Variants in FAM186A observed in about 807,000 individuals in gnomAD.
FAM186A encodes the protein family with sequence similarity 186 member A.
In FAM186A, 163 loss-of-function variants were observed where a neutral mutation model predicts 216.8. The observed-to-expected ratio is 0.75, with a 90% CI of 0.66 to 0.86. The LOEUF (loss-of-function observed/expected upper bound fraction) is 0.86, where lower values mean the gene tolerates loss of function less well. Ranked by LOEUF, FAM186A falls within the 40% of genes least tolerant of loss-of-function variation. The pLI is 0.00. For missense variants in FAM186A, 2,184 were observed against 2,746.2 expected, an observed-to-expected ratio of 0.80 and a Z score of 4.58; for synonymous variants, 805 against 1,025.3, an observed-to-expected ratio of 0.79 and a Z score of 4.10.
chr12:50,359,301 G>A (rs1943009330), intron 3 of FAM186A, among the ~76,000 whole-genome samples: 1 of 152,004 alleles, frequency 6.6e-6, no homozygotes, highest in Non-Finnish European at 1.5e-5. Context: ...GGGAGGCTGA[G>A]GCAGGAGAAT....
Position 50,363,331 on chromosome 12 carries a change from TG to T in FAM186A, c.225del (p.Asn75LysfsTer6), listed in dbSNP as rs1943055584. ...TAGCGAGTCATTATCCGATGCACATTGTTCATTATTTCACTCAGCTGCATAT... is the reference window on the plus strand; with the variant it reads ...TAGCGAGTCATTATCCGATGCACATTTTCATTATTTCACTCAGCTGCATAT... ...DIDMQLSEIM[N>X]NVHRIMTRYT... On this transcript the variant is annotated frameshift_variant, in exon 2 of 8. Coordinates refer to ENST00000327337, the MANE Select transcript of FAM186A (RefSeq NM_001145475.3). LOFTEE classifies it high-confidence loss of function. 6.4e-7 allele frequency: 1 copy of T among 1,551,104 alleles called. No homozygotes were observed. The highest frequency in any genetic ancestry group is 8.7e-7 in the Non-Finnish European group (1 of 1,146,882).
At chr12:50,357,277 G>A (rs1040013909) in intron 3 of FAM186A, among the ~76,000 whole-genome samples, 1 of 151,994 alleles carries the variant, frequency 6.6e-6, no homozygotes, top group Non-Finnish European at 1.5e-5. Flanking sequence ...GGGAAGCTGA[G>A]GCAGGTGGAT....
At chr12:50,383,339 G>A (rs1943272516) in intron 1 of FAM186A, among the ~76,000 whole-genome samples, 1 of 137,948 alleles carries the variant, frequency 7.2e-6, no homozygotes, top group African/African-American at 2.6e-5. Context: ...CCTATAACCT[G>A]TAATCCCAGC....
In FAM186A at chr12:50,352,569, G is replaced by C. The variant is rs199626368; in HGVS notation, c.4263C>G (p.Ile1421Met). 3.3e-6 allele frequency: 5 copies of C among 1,520,790 alleles called. No individual in the cohort carries two copies. In the African/African-American group the frequency reaches 7.3e-5, roughly 22 times the overall value. The allele number at this position is 1,520,790 out of a possible 1,614,324, so 94.2% of individuals were successfully genotyped here. ...CCTGTGCCTGCTGAGGGGTGAAAGG[G>C]ATCCCCAATTCCTGAGCCTGCTGAG... ...LTPQQAQELGIPFTPQQAQAQ... is the reference protein window; with the variant it reads ...LTPQQAQELGMPFTPQQAQAQ... The change falls in exon 4 of 8, where the codon ATC becomes ATG. Residue 1421 changes from isoleucine (I) to methionine (M), a missense_variant. Physicochemically the swap from Ile to Met is conservative, Grantham distance 10. Around this residue, in one of 7 missense-constraint regions of FAM186A, gnomAD observed 267 missense variants for 446.2 expected, o/e 0.60. Coordinates refer to ENST00000327337, the MANE Select transcript of FAM186A (RefSeq NM_001145475.3).
At chr12:50,337,705 G>A (rs1275730325) in intron 4 of FAM186A, among the ~76,000 whole-genome samples, 6 of 151,968 alleles carry the variant, frequency 3.9e-5, no homozygotes, top group African/African-American at 1.4e-4. Flanking sequence ...AGACCATCCT[G>A]GCCAACACGG....
At chr12:50,347,035 G>A (rs1227591931) in intron 4 of FAM186A, among the ~76,000 whole-genome samples, 1 of 151,062 alleles carries the variant, frequency 6.6e-6, no homozygotes, top group Non-Finnish European at 1.5e-5. Flanking sequence ...CCATATTCTT[G>A]GATAGGAAGA....
intron 1 of FAM186A, among the ~76,000 whole-genome samples, chr12:50,393,161 C>T (rs973142599): frequency 2.6e-5 from 4 of 151,614 alleles, no homozygotes; most frequent in East Asian, 2.0e-4. Context: ...CTCCCGACCT[C>T]GTGATCCGCC....
Position 50,355,259 on chromosome 12 carries a change from G to A in FAM186A, c.1573C>T (p.Leu525Phe). Residue 525 changes from leucine (L) to phenylalanine (F), a missense_variant, in exon 4 of 8, where the codon CTC (leucine) becomes TTC (phenylalanine). This residue lies in a region of FAM186A where 1,132 missense variants were observed against 1,263.4 expected (regional missense o/e 0.90). Coordinates refer to ENST00000327337, the MANE Select transcript of FAM186A (RefSeq NM_001145475.3). ...KSPTEAKRKH[L>F]SLTETKSQGG... Reference sequence around the variant, plus strand: ...TGGCTCTTTGTTTCAGTTAAAGAGAGATGTTTTCTTTTTGCTTCAGTGGGT... The same window carrying A: ...TGGCTCTTTGTTTCAGTTAAAGAGAAATGTTTTCTTTTTGCTTCAGTGGGT... 1 of 1,551,642 alleles carries A rather than the reference G, an allele frequency of 6.4e-7. No individual in the cohort carries two copies. The highest frequency in any genetic ancestry group is 2.0e-5 in the Admixed American group (1 of 50,994).
chr12:50,390,717 G>C (rs1270421098), intron 1 of FAM186A, among the ~76,000 whole-genome samples: 3 of 152,094 alleles, frequency 2.0e-5, no homozygotes, highest in Non-Finnish European at 4.4e-5. Context: ...AGAGAAGAGT[G>C]ATCACAGAGC....
chr12:50,329,129 T>A (rs569394167), intron 7 of FAM186A, among the ~76,000 whole-genome samples: 1 of 152,034 alleles, frequency 6.6e-6, no homozygotes, highest in South Asian at 2.1e-4. Flanking sequence ...CGAAAATGAA[T>A]AAATAAATAA....
chr12:50,356,030 G>A lies in FAM186A; in HGVS notation c.802C>T (p.Leu268Phe). ...TTTAGCATACTCAAAGCTGTAGAAA[G>A]GTTTACTATTGTTGATGATATATAT... Reference protein sequence around the residue: ...IKYISSTIVNLSTALSMLNDE... With the variant: ...IKYISSTIVNFSTALSMLNDE... Residue 268 changes from leucine (L) to phenylalanine (F), a missense_variant, in exon 4 of 8, where the codon CTT becomes TTT. Around this residue, in one of 7 missense-constraint regions of FAM186A, gnomAD observed 1,132 missense variants for 1,263.4 expected, o/e 0.90. Transcript: ENST00000327337. 1.3e-6 allele frequency: 2 copies of A among 1,551,530 alleles called. No homozygotes were observed. Among genetic ancestry groups the A allele is most frequent in the Non-Finnish European group, 1.7e-6 (2 of 1,146,954 alleles).
intron 1 of FAM186A, among the ~76,000 whole-genome samples, chr12:50,394,730 C>CTTTTTTTTTTTT (rs1943396117): frequency 2.0e-5 from 1 of 51,002 alleles, no homozygotes; most frequent in African/African-American, 1.1e-4. Flanking sequence ...CTGGCTAACA[C>CTTTTTTTTTTTT]TCTTTTTTTT....
intron 3 of FAM186A, among the ~76,000 whole-genome samples, chr12:50,357,932 C>G (rs1204143794): frequency 6.6e-6 from 1 of 151,770 alleles, no homozygotes; most frequent in Non-Finnish European, 1.5e-5. Context: ...GAGTCGAGAT[C>G]ACGCCACTGC....
At chr12:50,373,046 A>G (rs1943162118) in intron 1 of FAM186A, among the ~76,000 whole-genome samples, 1 of 150,242 alleles carries the variant, frequency 6.7e-6, no homozygotes, top group African/African-American at 2.4e-5. Context: ...AAAGAAAGAA[A>G]GAAAGAAAGA....
At chr12:50,378,878 T>G (rs889286180) in intron 1 of FAM186A, among the ~76,000 whole-genome samples, 1 of 152,082 alleles carries the variant, frequency 6.6e-6, no homozygotes, top group African/African-American at 2.4e-5. Flanking sequence ...TTCAACCATA[T>G]GAAAATGTCT....
intron 1 of FAM186A, among the ~76,000 whole-genome samples, chr12:50,374,008 G>A (rs1943173944): frequency 6.6e-6 from 1 of 151,824 alleles, no homozygotes; most frequent in Non-Finnish European, 1.5e-5. Flanking sequence ...ATAAGGACAT[G>A]GATGAAATTG....
At chr12:50,327,942 G>A (rs142868924) in intron 7 of FAM186A, among the ~76,000 whole-genome samples, 322 of 152,246 alleles carry the variant, frequency 2.1e-3, no homozygotes, top group African/African-American at 7.6e-3. Context: ...TTGCTTATTA[G>A]ACAGTATTCT....
rs1257430066 is a variant in FAM186A at position 50,354,203 on chromosome 12, G to T, written c.2629C>A (p.Gln877Lys). ...TCCTGCCACTGTTTCTGGCTCTGTT[G>T]TTCTTGCTTTCCCTCCTTCATCTGG... is the stretch of plus-strand genomic sequence containing the variant. ...WLQMKEGKQE[Q>K]QSQKQWQEEE... Residue 877 changes from glutamine (Q) to lysine (K), a missense_variant, in exon 4 of 8, where the codon CAA (glutamine) becomes AAA (lysine). Around this residue, in one of 7 missense-constraint regions of FAM186A, gnomAD observed 1,132 missense variants for 1,263.4 expected, o/e 0.90. Transcript: ENST00000327337. 3 of 1,551,436 alleles carry T rather than the reference G, an allele frequency of 1.9e-6. No homozygotes were observed. The highest frequency in any genetic ancestry group is 1.2e-5 in the South Asian group (1 of 84,062).
intron 1 of FAM186A, among the ~76,000 whole-genome samples, chr12:50,379,436 T>C (rs1592630570): frequency 7.5e-5 from 2 of 26,638 alleles, no homozygotes; most frequent in Admixed American, 1.4e-3. Context: ...CGAGACTCCC[T>C]CTCAAAAAAA....
Sources: gnomAD v4.1 joint callset for allele counts (sites outside exome capture counted in the v4.1 genomes callset) on GRCh38, gnomAD v4.1.1 for gene constraint, gnomAD v4.1.1 regional missense constraint, MANE v1.5 for transcripts, NCBI Gene and HGNC (gene_info 2026-07-23, HGNC 2026-07-21) for gene names.